The following OXCT1 variants were observed in gnomAD, a reference collection of about 807,000 sequenced individuals.
The protein encoded by OXCT1 is 3-oxoacid CoA-transferase 1.
A neutral mutation model predicts 69.6 loss-of-function variants in OXCT1; 27 were observed. The ratio of observed to expected loss-of-function variants is 0.39; its 90% CI spans 0.29 to 0.54. OXCT1 has a LOEUF of 0.54. Among genes scored for constraint, OXCT1 ranks in the 20% least tolerant of loss-of-function variants. The probability of loss-of-function intolerance (pLI) is 0.72; values close to 1 mark genes in which losing one functional copy is unlikely to be tolerated. For missense variants in OXCT1, 437 were observed against 650.2 expected (o/e 0.67, Z 3.57); for synonymous variants, 202 against 217.8 (o/e 0.93, Z 0.64).
At chr5:41,755,095 T>A (rs984015757) in intron 14 of OXCT1, among the ~76,000 whole-genome samples, 5 of 152,106 alleles carry the variant, frequency 3.3e-5, no homozygotes, top group Non-Finnish European at 7.4e-5. Flanking sequence ...TTTTCATTCA[T>A]GAACTGTTGT....
intron 13 of OXCT1, among the ~76,000 whole-genome samples, chr5:41,786,423 G>A (rs996850745): frequency 2.0e-5 from 3 of 152,096 alleles, no homozygotes; most frequent in African/African-American, 7.2e-5. Flanking sequence ...GGAAGAGGAG[G>A]GGAGTAGAGA....
intron 7 of OXCT1, among the ~76,000 whole-genome samples, chr5:41,823,546 GTC>G (rs1747665299): frequency 6.6e-6 from 1 of 152,180 alleles, no homozygotes. Context: ...GTATTAGCCT[GTC>G]TCTCTCCAAT....
At chr5:41,769,596 A>G (rs981590835) in intron 13 of OXCT1, among the ~76,000 whole-genome samples, 2 of 149,818 alleles carry the variant, frequency 1.3e-5, no homozygotes, top group African/African-American at 4.9e-5. Flanking sequence ...AGATGGGATG[A>G]TGTGTGCCTG....
intron 15 of OXCT1, among the ~76,000 whole-genome samples, chr5:41,745,826 T>TA (rs1432213175): frequency 1.3e-5 from 2 of 152,068 alleles, no homozygotes; most frequent in Non-Finnish European, 2.9e-5. Flanking sequence ...CCTCGACACA[T>TA]ACACCCTCCC....
intron 15 of OXCT1, among the ~76,000 whole-genome samples, chr5:41,743,753 T>A (rs1021098388): frequency 6.6e-6 from 1 of 152,212 alleles, no homozygotes; most frequent in African/African-American, 2.4e-5. Context: ...TCCCCATTGC[T>A]TGTTTTTGTC....
At chr5:41,787,913 C>A (rs531575097) in intron 13 of OXCT1, among the ~76,000 whole-genome samples, 1 of 151,740 alleles carries the variant, frequency 6.6e-6, no homozygotes, top group Non-Finnish European at 1.5e-5. Context: ...GTCCTTCAAG[C>A]AGAAGGAAAA....
At chr5:41,851,757 C>T (rs144582718) in intron 4 of OXCT1, among the ~76,000 whole-genome samples, 98 of 152,022 alleles carry the variant, frequency 6.4e-4, no homozygotes, top group Non-Finnish European at 7.6e-4. Context: ...TACTTTCTGA[C>T]GAAATAAGGA....
At chr5:41,801,919 CA>C (rs1473180138) in intron 10 of OXCT1, among the ~76,000 whole-genome samples, 2 of 151,656 alleles carry the variant, frequency 1.3e-5, no homozygotes, top group Admixed American at 6.6e-5. Flanking sequence ...AAGATGGAGC[CA>C]AAAATGAAGA....
chr5:41,733,663 G>A (rs1742750164), intron 16 of OXCT1, among the ~76,000 whole-genome samples: 1 of 152,050 alleles, frequency 6.6e-6, no homozygotes, highest in South Asian at 2.1e-4. Flanking sequence ...CCTTTTCCTT[G>A]TCATGTCAGC....
chr5:41,814,239 T>C (rs1361327090), intron 7 of OXCT1, among the ~76,000 whole-genome samples: 5 of 152,092 alleles, frequency 3.3e-5, no homozygotes, highest in African/African-American at 1.2e-4. Flanking sequence ...CTCTACTGGT[T>C]AGGGAAATAA....
In OXCT1 at chr5:41,826,633, C is replaced by CA. The variant is rs34743357; in HGVS notation, c.732+13817dup. ...ACAAATCTTAATCTCATATTCTGTT[C>CA]AAAAAAAAAATGAAAAGAAAAAAGA... is the stretch of plus-strand genomic sequence containing the variant. On this transcript the variant is annotated intron_variant, in intron 7 of 16. Coordinates refer to ENST00000196371, the MANE Select transcript of OXCT1 (RefSeq NM_000436.4). Among the ~76,000 whole-genome samples, 25 of 148,750 alleles carry CA rather than the reference C, an allele frequency of 1.7e-4. No individual in the cohort carries two copies. In the South Asian group the frequency reaches 2.6e-3, roughly 15 times the overall value.
At chr5:41,846,168 A>G (rs889494930) in intron 5 of OXCT1, among the ~76,000 whole-genome samples, 2 of 151,432 alleles carry the variant, frequency 1.3e-5, no homozygotes, top group African/African-American at 4.9e-5. Flanking sequence ...TTTAGGGTAC[A>G]TGTGCACAAT....
At chr5:41,844,138 T>C (rs964278103) in intron 5 of OXCT1, among the ~76,000 whole-genome samples, 1 of 152,180 alleles carries the variant, frequency 6.6e-6, no homozygotes, top group African/African-American at 2.4e-5. Flanking sequence ...ATACCAGCTG[T>C]TGCTGAGTGT....
intron 15 of OXCT1, among the ~76,000 whole-genome samples, chr5:41,745,876 A>G (rs1312960186): frequency 6.6e-6 from 1 of 152,198 alleles, no homozygotes; most frequent in Non-Finnish European, 1.5e-5. Flanking sequence ...TGAATAGACC[A>G]ATAACAGGCT....
At chr5:41,851,774 T>C (rs890161264) in intron 4 of OXCT1, among the ~76,000 whole-genome samples, 3 of 152,078 alleles carry the variant, frequency 2.0e-5, no homozygotes, top group African/African-American at 7.2e-5. Context: ...AGGAGTAACA[T>C]AAAAGATACC....
At chr5:41,797,700 T>C (rs1457862790) in intron 11 of OXCT1, among the ~76,000 whole-genome samples, 1 of 152,224 alleles carries the variant, frequency 6.6e-6, no homozygotes, top group African/African-American at 2.4e-5. Context: ...AACAGCGTTA[T>C]AAACCAAATT....
At chr5:41,846,178 T>C (rs1010089192) in intron 5 of OXCT1, among the ~76,000 whole-genome samples, 10 of 151,682 alleles carry the variant, frequency 6.6e-5, no homozygotes, top group African/African-American at 2.2e-4. Flanking sequence ...ATGTGCACAA[T>C]GTGCAGGTTA....
intron 8 of OXCT1, among the ~76,000 whole-genome samples, chr5:41,806,234 T>A (rs923358156): frequency 6.6e-6 from 1 of 152,010 alleles, no homozygotes; most frequent in Non-Finnish European, 1.5e-5. Context: ...TTTGCAAAAG[T>A]CTCATCCTTT....
chr5:41,862,563 T>A lies in OXCT1; in HGVS notation c.187+79A>T, dbSNP rs963604014. 7.6e-6 allele frequency: 6 copies of A among 788,550 alleles called. No homozygotes were observed. In the African/African-American group the frequency reaches 8.5e-5, roughly 11 times the overall value. The allele number at this position is 788,550 out of a possible 1,614,324, so 48.8% of individuals were successfully genotyped here. On this transcript the variant is annotated intron_variant, in intron 2 of 16. Coordinates refer to ENST00000196371, the MANE Select transcript of OXCT1 (RefSeq NM_000436.4). ...ATAAAATAATTATCATTTTTATACA[T>A]CTTTGTCATTGTGATTTGCCTGCTT...
Sources: gnomAD v4.1 joint callset for allele counts (sites outside exome capture counted in the v4.1 genomes callset) on GRCh38, gnomAD v4.1.1 for gene constraint, MANE v1.5 for transcripts, NCBI Gene and HGNC (gene_info 2026-07-23, HGNC 2026-07-21) for gene names.